The following CNTNAP2 variants were observed in gnomAD, a reference collection of about 807,000 sequenced individuals.
CNTNAP2 encodes contactin-associated protein-like 2.
In CNTNAP2, 98 loss-of-function variants were observed where a neutral mutation model predicts 155.2. The observed-to-expected ratio is 0.63, with a 90% confidence interval of 0.54 to 0.75. The LOEUF is 0.75. Among genes scored for constraint, CNTNAP2 ranks in the 30% least tolerant of loss-of-function variants. CNTNAP2 has a pLI of 0.00. For synonymous variants in CNTNAP2, 651 were observed against 631.2 expected, an observed-to-expected ratio of 1.03 and a Z score of -0.47; for missense variants, 1,727 against 1,688.1, an observed-to-expected ratio of 1.02 and a Z score of -0.40.
intron 1 of CNTNAP2, among the ~76,000 whole-genome samples, chr7:146,632,915 G>A (rs996840261): frequency 1.4e-4 from 20 of 148,012 alleles, no homozygotes; most frequent in Admixed American, 1.2e-3. Context: ...TCGCTTGAAA[G>A]ACTATACACA....
At chr7:146,678,603 T>A (rs1337411305) in intron 1 of CNTNAP2, among the ~76,000 whole-genome samples, 2 of 152,172 alleles carry the variant, frequency 1.3e-5, no homozygotes, top group Non-Finnish European at 2.9e-5. Flanking sequence ...ACTAGAATAA[T>A]TTATATTAGT....
At chr7:148,080,401 C>T (rs1261147220) in intron 15 of CNTNAP2, among the ~76,000 whole-genome samples, 5 of 151,904 alleles carry the variant, frequency 3.3e-5, no homozygotes, top group East Asian at 3.9e-4. Context: ...GTCAGGAGAT[C>T]GAGACCGTCC....
chr7:147,742,962 G>T (rs1306405965), intron 13 of CNTNAP2, among the ~76,000 whole-genome samples: 1 of 152,220 alleles, frequency 6.6e-6, no homozygotes, highest in African/African-American at 2.4e-5. Context: ...AATGTGGACA[G>T]TGTGTGCTCC....
At chr7:147,337,963 C>A (rs2116853992) in intron 9 of CNTNAP2, among the ~76,000 whole-genome samples, 1 of 152,224 alleles carries the variant, frequency 6.6e-6, no homozygotes, top group African/African-American at 2.4e-5. Flanking sequence ...TGATGGGGCA[C>A]TGCATCTGAG....
At chr7:148,250,507 ACT>A (rs1333202344) in intron 20 of CNTNAP2, among the ~76,000 whole-genome samples, 2 of 152,174 alleles carry the variant, frequency 1.3e-5, no homozygotes, top group African/African-American at 2.4e-5. Flanking sequence ...CTGTGATGTG[ACT>A]ACAGATTCCT....
intron 13 of CNTNAP2, among the ~76,000 whole-genome samples, chr7:147,749,261 T>G (rs1376319643): frequency 1.3e-5 from 2 of 152,200 alleles, no homozygotes; most frequent in Non-Finnish European, 2.9e-5. Flanking sequence ...TGAGAACATT[T>G]TGGCATATGA....
intron 1 of CNTNAP2, among the ~76,000 whole-genome samples, chr7:146,388,898 G>A (rs73738737): frequency 0.014 from 2,134 of 152,132 alleles, 46 homozygotes; most frequent in African/African-American, 0.048. Flanking sequence ...TGTAGATCTT[G>A]CTGTGGCTCC....
intron 15 of CNTNAP2, among the ~76,000 whole-genome samples, chr7:148,062,503 AAT>A (rs1018237741): frequency 2.0e-5 from 3 of 152,136 alleles, no homozygotes; most frequent in Non-Finnish European, 4.4e-5. Context: ...AATAAGTAAA[AAT>A]AGAGGTTTCC....
intron 14 of CNTNAP2, among the ~76,000 whole-genome samples, chr7:147,920,204 A>G (rs1800247273): frequency 6.6e-6 from 1 of 151,552 alleles, no homozygotes; most frequent in Admixed American, 6.6e-5. Context: ...AAAAATACAA[A>G]AATTAGCTGG....
chr7:147,066,975 G>A (rs898070701), intron 4 of CNTNAP2, among the ~76,000 whole-genome samples: 3 of 152,094 alleles, frequency 2.0e-5, no homozygotes, highest in African/African-American at 4.8e-5. Flanking sequence ...CGAAGAGAAC[G>A]AGCTAGCTGT....
chr7:147,310,322 A>G (rs905785335), intron 9 of CNTNAP2, among the ~76,000 whole-genome samples: 2 of 152,168 alleles, frequency 1.3e-5, no homozygotes, highest in Non-Finnish European at 2.9e-5. Flanking sequence ...TTGACTTTCA[A>G]GAATTGGCTT....
chr7:146,610,811 T>TCA (rs1799124714), intron 1 of CNTNAP2, among the ~76,000 whole-genome samples: 1 of 152,174 alleles, frequency 6.6e-6, no homozygotes, highest in South Asian at 2.1e-4. Context: ...TATCCTGAAT[T>TCA]GGAATATGTT....
intron 8 of CNTNAP2, among the ~76,000 whole-genome samples, chr7:147,287,718 A>C (rs949979148): frequency 2.0e-5 from 3 of 152,046 alleles, no homozygotes; most frequent in Admixed American, 6.6e-5. Flanking sequence ...GATCTAACAG[A>C]TTCGCCCAAC....
Position 146,668,435 on chromosome 7 carries a change from T to TGTGTGG in CNTNAP2, c.98-105831_98-105830insGGTGTG, listed in dbSNP as rs1554465242. 2.9e-3 allele frequency among the ~76,000 whole-genome samples: 252 copies of TGTGTGG among 86,454 alleles called. 1 individual carries two copies. Among genetic ancestry groups the TGTGTGG allele is most frequent in the Non-Finnish European group, 6.2e-3 (206 of 33,344 alleles). The allele number at this position is 86,454 out of a possible 152,430, so 56.7% of individuals were successfully genotyped here. ...TATTGGCCTGTAATTTTCCTGTGTG[T>TGTGTGG]GTGTGTGTGTGTGTGTGTGTGTGTG... On this transcript the variant is annotated intron_variant, in intron 1 of 23. Transcript: ENST00000361727.
chr7:147,064,594 C>T (rs1281270986), intron 4 of CNTNAP2, among the ~76,000 whole-genome samples: 1 of 152,154 alleles, frequency 6.6e-6, no homozygotes, highest in Non-Finnish European at 1.5e-5. Flanking sequence ...CCTTTCTTTC[C>T]TCCCATTTCT....
At position 146,475,889 on chromosome 7, in the gene CNTNAP2, A is replaced by G. The variant is rs1005930187; in HGVS notation, c.98-298382A>G. The stretch of plus-strand genomic sequence containing the variant: ...AGCAGACATGAAAAGTAGAAGTCAC[A>G]GAGAAGCTGAAGAATTTAGTTTTCA... On this transcript the variant is annotated intron_variant, in intron 1 of 23. Transcript: ENST00000361727. Among the ~76,000 whole-genome samples the G allele has an allele frequency of 2.0e-5, 3 of 152,194 alleles. No individual in the cohort carries two copies. In the East Asian group the frequency reaches 5.8e-4, roughly 29 times the overall value.
chr7:147,054,879 T>G (rs1001931940), intron 4 of CNTNAP2, among the ~76,000 whole-genome samples: 23 of 152,186 alleles, frequency 1.5e-4, no homozygotes, highest in Non-Finnish European at 7.4e-5. Context: ...AATCCAGATT[T>G]TCAATTTGAG....
chr7:146,328,285 C>G (rs1801128295), intron 1 of CNTNAP2, among the ~76,000 whole-genome samples: 2 of 152,154 alleles, frequency 1.3e-5, no homozygotes, highest in Non-Finnish European at 2.9e-5. Flanking sequence ...AACATCCCCT[C>G]CTGTCCATGG....
intron 3 of CNTNAP2, among the ~76,000 whole-genome samples, chr7:146,971,843 A>G (rs776283394): frequency 6.6e-6 from 1 of 152,314 alleles, no homozygotes; most frequent in African/African-American, 2.4e-5. Context: ...GAACTACAAT[A>G]TATGAATTTT....
Sources: gnomAD v4.1 joint callset for allele counts (sites outside exome capture counted in the v4.1 genomes callset) on GRCh38, gnomAD v4.1.1 for gene constraint, MANE v1.5 for transcripts, NCBI Gene and HGNC (gene_info 2026-07-23, HGNC 2026-07-21) for gene names.